Variants in ZNF638 observed in about 807,000 individuals in gnomAD.
The protein encoded by ZNF638 is CTCL tumor antigen se33-1.
ZNF638 carries 46 observed loss-of-function variants against 195.6 expected under a neutral mutation model. The observed-to-expected ratio is 0.24, with a 90% CI of 0.19 to 0.30. The LOEUF (loss-of-function observed/expected upper bound fraction) is 0.30. Among genes scored for constraint, ZNF638 ranks in the 10% least tolerant of loss-of-function variants. The pLI is 1.00. For missense variants in ZNF638, 2,440 were observed against 2,325.3 expected (o/e 1.05, Z -1.01); for synonymous variants, 845 against 772.0 (o/e 1.09, Z -1.57).
intron 10 of ZNF638, among the ~76,000 whole-genome samples, chr2:71,387,161 G>A (rs2079658300): frequency 6.6e-6 from 1 of 151,992 alleles, no homozygotes; most frequent in Non-Finnish European, 1.5e-5. Flanking sequence ...AATGAAAACA[G>A]ACTATCCACA....
At chr2:71,352,987 C>G (rs1443064640) in intron 2 of ZNF638, among the ~76,000 whole-genome samples, 1 of 152,170 alleles carries the variant, frequency 6.6e-6, no homozygotes, top group Non-Finnish European at 1.5e-5. Flanking sequence ...ATGAATTTTT[C>G]ACTACTAAGT....
At position 71,427,157 on chromosome 2, in the gene ZNF638, C is replaced by T. The variant is rs140596491; in HGVS notation, c.5288C>T (p.Ala1763Val). The change falls in exon 24 of 28, where the codon GCG becomes GTG. Residue 1763 changes from alanine to valine, a missense_variant. By Grantham distance (64) the Ala-to-Val change is moderately conservative. Transcript: ENST00000264447. ...EVTEEDEDSL[A>V]DFNNLKEELN... is the part of the protein sequence containing the mutation. ...ACTGAAGAGGATGAAGACTCTCTGG[C>T]GGATTTTAACAACCTTAAAGAAGAG... 1.9e-5 allele frequency: 30 copies of T among 1,612,460 alleles called. No individual in the cohort carries two copies. Among genetic ancestry groups the T allele is most frequent in the South Asian group, 1.1e-4 (10 of 90,750 alleles).
chr2:71,374,265 C>G (rs529097340), intron 8 of ZNF638, among the ~76,000 whole-genome samples: 1 of 152,338 alleles, frequency 6.6e-6, no homozygotes, highest in East Asian at 1.9e-4. Flanking sequence ...AGCCTCAACA[C>G]TATTTATGCC....
intron 17 of ZNF638, among the ~76,000 whole-genome samples, chr2:71,404,807 C>CT (rs2080073558): frequency 6.6e-6 from 1 of 152,116 alleles, no homozygotes; most frequent in Non-Finnish European, 1.5e-5. Flanking sequence ...TATAAAACTC[C>CT]TTTGAGTTCT....
intron 10 of ZNF638, among the ~76,000 whole-genome samples, chr2:71,392,849 A>G (rs1224597497): frequency 6.6e-6 from 1 of 152,124 alleles, no homozygotes; most frequent in East Asian, 1.9e-4. Context: ...ATAGCAACAG[A>G]TGTTACACAC....
At chr2:71,373,982 A>G (rs1421137612) in intron 8 of ZNF638, 1 of 152,004 alleles carries the variant, frequency 6.6e-6, no homozygotes, top group Non-Finnish European at 1.5e-5. Flanking sequence ...GCCACCGCGC[A>G]TAGCTAAGTT....
intron 3 of ZNF638, among the ~76,000 whole-genome samples, chr2:71,359,238 G>T (rs1351086830): frequency 6.6e-6 from 1 of 152,194 alleles, no homozygotes; most frequent in Non-Finnish European, 1.5e-5. Context: ...GTTTCTGGTA[G>T]TGTGGCTCAG....
intron 6 of ZNF638, among the ~76,000 whole-genome samples, chr2:71,366,130 G>T (rs1027550959): frequency 6.6e-6 from 1 of 152,110 alleles, no homozygotes. Context: ...GGGGTGGATC[G>T]CTCGAGCTTA....
intron 11 of ZNF638, among the ~76,000 whole-genome samples, chr2:71,397,443 A>G (rs1174680103): frequency 2.0e-5 from 3 of 152,212 alleles, no homozygotes; most frequent in East Asian, 1.9e-4. Flanking sequence ...TGTCTTGACT[A>G]TAAAGGGTGG....
intron 10 of ZNF638, chr2:71,393,598 C>G: frequency 1.4e-6 from 1 of 718,102 alleles, no homozygotes; most frequent in Non-Finnish European, 2.6e-6. Flanking sequence ...GCTCCAGACA[C>G]AGAAACCATT....
intron 8 of ZNF638, 46 bp from the exon 9 acceptor site, chr2:71,380,176 T>A (rs1003570412): frequency 4.3e-6 from 5 of 1,173,232 alleles, no homozygotes; most frequent in African/African-American, 3.2e-5. Context: ...TTTTCTAAAT[T>A]GCTTTATACT....
chr2:71,381,828 C>G (rs1326092057), intron 10 of ZNF638, among the ~76,000 whole-genome samples: 1 of 151,866 alleles, frequency 6.6e-6, no homozygotes, highest in Non-Finnish European at 1.5e-5. Flanking sequence ...TCCATTTTTT[C>G]TGGATAAGAG....
chr2:71,355,986 A>G (rs946277073), intron 3 of ZNF638, among the ~76,000 whole-genome samples: 2 of 152,190 alleles, frequency 1.3e-5, no homozygotes, highest in Non-Finnish European at 2.9e-5. Flanking sequence ...ACACTTTTCT[A>G]ACTTAATTCC....
intron 3 of ZNF638, among the ~76,000 whole-genome samples, chr2:71,360,990 T>A (rs1314642395): frequency 1.1e-4 from 17 of 152,156 alleles, no homozygotes; most frequent in Non-Finnish European, 2.9e-5. Flanking sequence ...TTGGTGAACC[T>A]GAACCTAATG....
intron 10 of ZNF638, among the ~76,000 whole-genome samples, chr2:71,386,565 G>A (rs908694228): frequency 8.5e-5 from 13 of 152,122 alleles, no homozygotes; most frequent in African/African-American, 2.7e-4. Context: ...TTGGAAAGTA[G>A]GATACACCGT....
At chr2:71,357,860 A>G (rs1158239683) in intron 3 of ZNF638, among the ~76,000 whole-genome samples, 2 of 151,634 alleles carry the variant, frequency 1.3e-5, no homozygotes, top group Non-Finnish European at 2.9e-5. Flanking sequence ...ACTTCCCATA[A>G]TTTGCCTTTT....
intron 1 of ZNF638, among the ~76,000 whole-genome samples, chr2:71,337,396 G>T (rs2078688621): frequency 6.6e-6 from 1 of 152,016 alleles, no homozygotes; most frequent in African/African-American, 2.4e-5. Flanking sequence ...CAACTTCAAT[G>T]AATTTCACGT....
At chr2:71,376,664 G>T (rs1451007847) in intron 8 of ZNF638, among the ~76,000 whole-genome samples, 3 of 152,094 alleles carry the variant, frequency 2.0e-5, no homozygotes, top group African/African-American at 7.2e-5. Flanking sequence ...TGTGTTTCAT[G>T]TAACATCTTC....
At chr2:71,361,570 T>G (rs182048208) in intron 3 of ZNF638, 4 of 152,318 alleles carry the variant, frequency 2.6e-5, no homozygotes, top group South Asian at 2.1e-4. Context: ...TGAAACAAAA[T>G]TATCCATATA....
Sources: gnomAD v4.1 joint callset for allele counts (sites outside exome capture counted in the v4.1 genomes callset) on GRCh38, gnomAD v4.1.1 for gene constraint, MANE v1.5 for transcripts, NCBI Gene and HGNC (gene_info 2026-07-23, HGNC 2026-07-21) for gene names.